DOP1B: variants seen among roughly 807,000 people sequenced by gnomAD.
DOP1B encodes protein DOP1B.
Under a neutral mutation model 233.5 loss-of-function variants are expected in DOP1B, and 174 were observed. The ratio of observed to expected loss-of-function variants is 0.75; its 90% CI spans 0.66 to 0.85. The LOEUF is 0.85. DOP1B is among the 40% of genes least tolerant of loss of function. DOP1B has a pLI of 0.00. For synonymous variants in DOP1B, 1,190 were observed against 1,185.6 expected, an observed-to-expected ratio of 1.00 and a Z score of -0.08; for missense variants, 2,652 against 2,846.6, an observed-to-expected ratio of 0.93 and a Z score of 1.56.
At chr21:36,267,046 A>G (rs948095712) in intron 26 of DOP1B, among the ~76,000 whole-genome samples, 1 of 152,060 alleles carries the variant, frequency 6.6e-6, no homozygotes, top group African/African-American at 2.4e-5. Flanking sequence ...TCACACCTCA[A>G]CACAACTGCT....
At chr21:36,178,425 G>T (rs2066055897) in intron 2 of DOP1B, among the ~76,000 whole-genome samples, 1 of 148,554 alleles carries the variant, frequency 6.7e-6, no homozygotes, top group South Asian at 2.1e-4. Flanking sequence ...CTTGAGTCCA[G>T]GAGTCTCTTA....
chr21:36,292,348 C>T, intron 36 of DOP1B, 115 bp downstream of exon 36: 3 of 800,502 alleles, frequency 3.7e-6, no homozygotes, highest in Admixed American at 6.6e-5. Flanking sequence ...CCTCCACCTC[C>T]CAGGTTCAAG....
intron 2 of DOP1B, among the ~76,000 whole-genome samples, chr21:36,186,700 C>T (rs2835305): frequency 0.17 from 25,253 of 152,028 alleles, 2,157 homozygotes; most frequent in Admixed American, 0.19. Context: ...AGGGCGCTGG[C>T]GGACCTGAAA....
intron 18 of DOP1B, among the ~76,000 whole-genome samples, chr21:36,242,866 A>G (rs149085579): frequency 6.6e-6 from 1 of 151,676 alleles, no homozygotes; most frequent in Admixed American, 6.6e-5. Flanking sequence ...ATTCTTCTTC[A>G]TTTCTTGATC....
chr21:36,270,197 C>T (rs779196584), intron 27 of DOP1B, 40 bp downstream of exon 27: 34 of 1,598,842 alleles, frequency 2.1e-5, no homozygotes, highest in South Asian at 1.5e-4. Flanking sequence ...CTCTGGTCAG[C>T]GCGTGGTTCT....
rs764691112 is a variant in DOP1B at position 36,277,020 on chromosome 21, G to C, written c.5633-1G>C. On this transcript the variant is annotated splice_acceptor_variant, in intron 27 of 36. Coordinates refer to ENST00000691173, the MANE Select transcript of DOP1B (RefSeq NM_001320714.2). LOFTEE classifies it high-confidence loss of function. ...ATACAAATGGCTCTTTCTGTTCACA[G>C]ATGCTGCTGCAGCTTCAGCAATGGT... The C allele has an allele frequency of 1.9e-6, 3 of 1,613,924 alleles. No homozygotes were observed. The highest frequency in any genetic ancestry group is 2.5e-6 in the Non-Finnish European group (3 of 1,180,002).
chr21:36,166,848 C>T (rs144820735), intron 2 of DOP1B, among the ~76,000 whole-genome samples: 6 of 152,332 alleles, frequency 3.9e-5, no homozygotes, highest in African/African-American at 1.2e-4. Context: ...GCAGTTCTTA[C>T]AGCTCGTGGC....
At chr21:36,168,844 T>C (rs1365165481) in intron 2 of DOP1B, 8 of 342,200 alleles carry the variant, frequency 2.3e-5, no homozygotes, top group Non-Finnish European at 4.3e-5. Context: ...ATTTTCAGTT[T>C]TTTAAAAATG....
At chr21:36,161,922 C>T (rs76381303) in intron 1 of DOP1B, among the ~76,000 whole-genome samples, 10 of 152,302 alleles carry the variant, frequency 6.6e-5, no homozygotes, top group African/African-American at 2.4e-4. Context: ...ATCCAAGTTG[C>T]GGCGTATCAG....
intron 2 of DOP1B, among the ~76,000 whole-genome samples, chr21:36,198,388 C>T (rs1387732457): frequency 6.6e-6 from 1 of 151,156 alleles, no homozygotes; most frequent in Non-Finnish European, 1.5e-5. Context: ...GAGATTGCGC[C>T]ACTGCATTCC....
intron 2 of DOP1B, among the ~76,000 whole-genome samples, chr21:36,198,518 C>T (rs947724897): frequency 6.6e-6 from 1 of 152,138 alleles, no homozygotes. Context: ...CCACGAAGGA[C>T]AGCATCGATC....
chr21:36,172,200 G>A (rs933695939), intron 2 of DOP1B, among the ~76,000 whole-genome samples: 5 of 152,044 alleles, frequency 3.3e-5, no homozygotes, highest in Non-Finnish European at 7.4e-5. Flanking sequence ...GGCGGGGAGG[G>A]GAAGCCACTG....
At chr21:36,193,284 C>G (rs1036046934) in intron 2 of DOP1B, among the ~76,000 whole-genome samples, 1 of 152,182 alleles carries the variant, frequency 6.6e-6, no homozygotes, top group Non-Finnish European at 1.5e-5. Context: ...GGATTCCAAT[C>G]TGTGTCTCTG....
chr21:36,215,108 T>C (rs1474438648), intron 9 of DOP1B, among the ~76,000 whole-genome samples: 1 of 152,216 alleles, frequency 6.6e-6, no homozygotes, highest in Non-Finnish European at 1.5e-5. Flanking sequence ...GCTCCTATAG[T>C]GTCTACAGAA....
chr21:36,250,510 G>A (rs1343959920), intron 21 of DOP1B, among the ~76,000 whole-genome samples: 3 of 152,142 alleles, frequency 2.0e-5, no homozygotes, highest in Non-Finnish European at 2.9e-5. Flanking sequence ...CTTAGCTGAG[G>A]CCCCAGGCGG....
chr21:36,284,075 G>C lies in DOP1B; in HGVS notation c.6160+2464G>C, dbSNP rs188868570. Among the ~76,000 whole-genome samples the C allele has an allele frequency of 2.5e-3, 371 of 149,340 alleles. 1 individual carries two copies. The highest frequency in any genetic ancestry group is 8.6e-3 in the African/African-American group (349 of 40,576). On this transcript the variant is annotated intron_variant, in intron 32 of 36. Transcript: ENST00000691173. Reference sequence around the variant, plus strand: ...CAATTCTCCTGCCTCAGCCTCCAAAGTAGCTGAGATTACAGGCACCAGCCA... The same window carrying C: ...CAATTCTCCTGCCTCAGCCTCCAAACTAGCTGAGATTACAGGCACCAGCCA...
intron 2 of DOP1B, among the ~76,000 whole-genome samples, chr21:36,182,826 C>CT (rs1353947449): frequency 1.3e-5 from 2 of 152,120 alleles, no homozygotes; most frequent in Non-Finnish European, 2.9e-5. Flanking sequence ...AAGACCTTGT[C>CT]TAAAAAAGAA....
intron 4 of DOP1B, among the ~76,000 whole-genome samples, chr21:36,205,688 C>T (rs114258833): frequency 0.024 from 3,564 of 150,224 alleles, 98 homozygotes; most frequent in African/African-American, 0.078. Context: ...GTGCCTGGCC[C>T]GTTTGTTGGT....
chr21:36,211,526 A>G (rs1322337375), intron 5 of DOP1B, 27 bp from the exon 6 acceptor site: 1 of 1,604,538 alleles, frequency 6.2e-7, no homozygotes, highest in Non-Finnish European at 8.5e-7. Flanking sequence ...TAGCCTGAAA[A>G]TGCTAGTGCC....
Sources: gnomAD v4.1 joint callset for allele counts (sites outside exome capture counted in the v4.1 genomes callset) on GRCh38, gnomAD v4.1.1 for gene constraint, MANE v1.5 for transcripts, NCBI Gene and HGNC (gene_info 2026-07-23, HGNC 2026-07-21) for gene names.